The following RBM27 variants were observed in gnomAD, a reference collection of about 807,000 sequenced individuals.
The protein encoded by RBM27 is RNA-binding protein 27.
In RBM27, 22 loss-of-function variants were observed where a neutral mutation model predicts 135.3. The ratio of observed to expected loss-of-function variants is 0.16; its 90% CI spans 0.12 to 0.23. RBM27 has a LOEUF of 0.23. Among genes scored for constraint, RBM27 ranks in the 10% least tolerant of loss-of-function variants. RBM27 has a pLI of 1.00. For missense variants in RBM27, 1,009 were observed against 1,281.0 expected (o/e 0.79, Z 3.24); for synonymous variants, 481 against 442.4 (o/e 1.09, Z -1.10).
intron 17 of RBM27, 124 bp downstream of exon 17, chr5:146,269,708 A>T: frequency 5.0e-6 from 2 of 401,924 alleles, no homozygotes; most frequent in Non-Finnish European, 8.2e-6. Context: ...GCAAACAATT[A>T]TAGTACTTAA....
intron 5 of RBM27, 131 bp from the exon 6 acceptor site, chr5:146,230,526 T>A: frequency 2.2e-6 from 2 of 921,272 alleles, no homozygotes; most frequent in Non-Finnish European, 3.2e-6. Context: ...AAGAGAGGAG[T>A]ATGAAATATG....
intron 8 of RBM27, among the ~76,000 whole-genome samples, chr5:146,246,864 G>A (rs938140423): frequency 7.4e-6 from 1 of 135,150 alleles, no homozygotes; most frequent in Non-Finnish European, 1.6e-5. Flanking sequence ...TAGTGCTGTG[G>A]TTTTTTTTTT....
At chr5:146,216,278 T>TC (rs1756190057) in intron 1 of RBM27, among the ~76,000 whole-genome samples, 2 of 152,110 alleles carry the variant, frequency 1.3e-5, no homozygotes, top group Admixed American at 1.3e-4. Flanking sequence ...CTCAAGCGAT[T>TC]CCCCACACTT....
intron 1 of RBM27, among the ~76,000 whole-genome samples, chr5:146,213,144 C>T (rs1581137112): frequency 6.6e-6 from 1 of 151,648 alleles, no homozygotes. Flanking sequence ...CTCTTGTTGC[C>T]CAGGCTGGAG....
At position 146,211,595 on chromosome 5, in the gene RBM27, C is replaced by T. The variant is rs762933462; in HGVS notation, c.60-7390C>T. 2.0e-5 allele frequency among the ~76,000 whole-genome samples: 3 copies of T among 150,614 alleles called. No homozygotes were observed. In the East Asian group the frequency reaches 5.9e-4, roughly 30 times the overall value. On this transcript the variant is annotated intron_variant, in intron 1 of 20. Coordinates refer to ENST00000265271, the MANE Select transcript of RBM27 (RefSeq NM_018989.2). ...CTCCTGGGTTCAAGCTATTATCCTG[C>T]CTCAGCCTCCTGAGTAGCTGGGATT...
intron 20 of RBM27, 38 bp downstream of exon 20, chr5:146,284,770 C>A: frequency 8.1e-7 from 1 of 1,228,464 alleles, no homozygotes; most frequent in Non-Finnish European, 1.2e-6. Flanking sequence ...TGAATTAGAT[C>A]ACTTCTCAAT....
At chr5:146,232,069 G>A (rs1053022513) in intron 6 of RBM27, among the ~76,000 whole-genome samples, 1 of 152,120 alleles carries the variant, frequency 6.6e-6, no homozygotes, top group Admixed American at 6.6e-5. Context: ...ATTCATAAAA[G>A]CTGACAAAAT....
Position 146,261,738 on chromosome 5 carries a change from C to A in RBM27, c.2122C>A (p.His708Asn). The change falls in exon 13 of 21, where the codon CAT becomes AAT. Residue 708 changes from histidine to asparagine, a missense_variant. His to Asn is a moderately conservative substitution (Grantham distance 68). Transcript: ENST00000265271. ...ACAGCAGCACCATCACCTGCCACAG[C>A]ATCTACATCAGCAGCAGGTGCTAGT... ...LSQQHHHLPQ[H>N]LHQQQVLVAQ... 1 of 1,614,188 alleles carries A rather than the reference C, an allele frequency of 6.2e-7. No homozygotes were observed. Among genetic ancestry groups the A allele is most frequent in the Non-Finnish European group, 8.5e-7 (1 of 1,180,008 alleles).
At chr5:146,268,510 G>A (rs1054624053) in intron 15 of RBM27, among the ~76,000 whole-genome samples, 2 of 152,108 alleles carry the variant, frequency 1.3e-5, no homozygotes, top group African/African-American at 4.8e-5. Context: ...CCAAAGTGCT[G>A]GGATTACAGG....
intron 3 of RBM27, among the ~76,000 whole-genome samples, chr5:146,225,565 C>CTTT (rs1756634237): frequency 7.0e-6 from 1 of 143,318 alleles, no homozygotes; most frequent in African/African-American, 2.5e-5. Context: ...TTTTACCTTT[C>CTTT]TGTTTTTTTT....
At chr5:146,210,816 G>A (rs1053460067) in intron 1 of RBM27, among the ~76,000 whole-genome samples, 2 of 151,996 alleles carry the variant, frequency 1.3e-5, no homozygotes, top group South Asian at 2.1e-4. Context: ...GCGTGGTGGC[G>A]GGCGCCTGTA....
intron 1 of RBM27, 125 bp downstream of exon 1, chr5:146,203,949 C>A (rs767189578): frequency 6.7e-5 from 65 of 973,602 alleles, no homozygotes; most frequent in Non-Finnish European, 9.5e-5. Flanking sequence ...CCCGGCGACG[C>A]CTTCCCTGTA....
chr5:146,206,340 T>A (rs1294638901), intron 1 of RBM27, among the ~76,000 whole-genome samples: 1 of 149,696 alleles, frequency 6.7e-6, no homozygotes, highest in South Asian at 2.1e-4. Context: ...AAGGTTAGTC[T>A]GGGTGGGAGC....
intron 1 of RBM27, among the ~76,000 whole-genome samples, chr5:146,217,440 A>T (rs1313347104): frequency 7.6e-6 from 1 of 131,648 alleles, no homozygotes. Flanking sequence ...TGGAAATGTG[A>T]TTGATACTCT....
chr5:146,245,794 AGAATCTAATGCCT>A (rs1757600980), intron 8 of RBM27, among the ~76,000 whole-genome samples: 1 of 152,140 alleles, frequency 6.6e-6, no homozygotes, highest in Non-Finnish European at 1.5e-5. Flanking sequence ...ATTCTTTATG[AGAATCTAATGCCT>A]GATAATCTGA....
Position 146,286,178 on chromosome 5 carries a change from AAC to A in RBM27, c.*152_*153del, listed in dbSNP as rs1759574456. 3 of 602,372 alleles carry A rather than the reference AAC, an allele frequency of 5.0e-6. No homozygotes were observed. The Admixed American group carries it at 9.6e-5, about 19-fold the overall frequency. 37.3% of individuals were successfully genotyped at this position (602,372 alleles called of 1,614,324 possible). A position where few individuals can be genotyped will look rare whatever the true frequency, so the allele number is the denominator to read the frequency against. On this transcript the variant is annotated 3_prime_UTR_variant, in exon 21 of 21. Transcript: ENST00000265271. ...TCAAGAACAGCAAGTTTGCTATTTA[AAC>A]ACATCTCATAACTGTACATGATATT...
intron 15 of RBM27, 35 bp downstream of exon 15, chr5:146,267,803 A>C (rs778795536): frequency 1.2e-5 from 19 of 1,589,144 alleles, no homozygotes; most frequent in Non-Finnish European, 1.5e-5. Context: ...TTACAGAAGA[A>C]AAGATGCCTT....
chr5:146,270,414 T>C (rs2126882282), intron 17 of RBM27, among the ~76,000 whole-genome samples: 1 of 152,260 alleles, frequency 6.6e-6, no homozygotes, highest in South Asian at 2.1e-4. Context: ...AAAGATATAA[T>C]AAAAATGTTT....
chr5:146,279,849 C>T (rs113409435), intron 19 of RBM27, among the ~76,000 whole-genome samples: 29 of 150,610 alleles, frequency 1.9e-4, no homozygotes, highest in Non-Finnish European at 3.7e-4. Flanking sequence ...AAAGTAAAAT[C>T]TCCCTTTTAT....
Sources: allele counts gnomAD v4.1 joint callset (sites outside exome capture counted in the v4.1 genomes callset), GRCh38; gene constraint gnomAD v4.1.1; transcripts MANE v1.5; gene names NCBI Gene and HGNC (gene_info 2026-07-23, HGNC 2026-07-21).